Variants in ZNF302 observed in about 807,000 individuals in gnomAD.
The protein encoded by ZNF302 is zinc finger protein 302.
Under a neutral mutation model 10.8 loss-of-function variants are expected in ZNF302, and 12 were observed. The ratio of observed to expected loss-of-function variants is 1.11; its 90% CI spans 0.71 to 1.79. The LOEUF is 1.79. Ranked by LOEUF, ZNF302 falls within the 40% of genes most tolerant of loss-of-function variation. The pLI is 0.00. For missense variants in ZNF302, 461 were observed against 471.1 expected (o/e 0.98, Z 0.20); for synonymous variants, 178 against 157.5 (o/e 1.13, Z -0.98).
chr19:34,679,492 C>T (rs928609644), intron 2 of ZNF302, among the ~76,000 whole-genome samples: 3 of 152,156 alleles, frequency 2.0e-5, no homozygotes, highest in African/African-American at 7.2e-5. Flanking sequence ...CTGATCCCAC[C>T]TTCCTTCTCT....
At position 34,682,846 on chromosome 19, in the gene ZNF302, G is replaced by A. The variant is rs1311464320; in HGVS notation, c.79G>A (p.Asp27Asn). ...EWACLDSAQR[D>N]LYKDVMVQNY... is the part of the protein sequence containing the mutation. ...GGCATGCCTAGATTCTGCTCAGAGG[G>A]ACTTATACAAGGATGTGATGGTCCA... Residue 27 changes from aspartate (D) to asparagine (N), a missense_variant, in exon 3 of 5, where the codon GAC (aspartate) becomes AAC (asparagine). Physicochemically the swap from Asp to Asn is conservative, Grantham distance 23. Transcript: ENST00000505242. 22 of 1,613,722 alleles carry A rather than the reference G, an allele frequency of 1.4e-5. No homozygotes were observed. Among genetic ancestry groups the A allele is most frequent in the Non-Finnish European group, 1.8e-5 (21 of 1,179,770 alleles).
Position 34,677,686 on chromosome 19 carries a change from C to A in ZNF302, c.-486C>A, listed in dbSNP as rs34042212. On this transcript the variant is annotated 5_prime_UTR_variant, in exon 1 of 5. Transcript: ENST00000505242. ...CGTGGGCGGTGCACTGGGTCAGTCC[C>A]GCGATAGCTTCAGGCCTGGCGGCGG... 2,115 of 152,468 alleles carry A rather than the reference C, an allele frequency of 0.014. 26 individuals carry two copies. The highest frequency in any genetic ancestry group is 0.02 in the Non-Finnish European group (1,333 of 68,146). The allele number at this position is 152,468 out of a possible 1,614,324, so 9.4% of individuals were successfully genotyped here. A position where few individuals can be genotyped will look rare whatever the true frequency, so the allele number is the denominator to read the frequency against.
At chr19:34,678,710 CT>C in intron 1 of ZNF302, 26 bp from the exon 2 acceptor site, 4 of 1,487,326 alleles carry the variant, frequency 2.7e-6, no homozygotes, top group Non-Finnish European at 3.7e-6. Context: ...TTCATGACTG[CT>C]TTTTCCTGCC....
chr19:34,680,014 T>C, intron 2 of ZNF302: 1 of 685,076 alleles, frequency 1.5e-6, no homozygotes, highest in Non-Finnish European at 2.7e-6. Context: ...ATAATTAAGA[T>C]AATTAGAATT....
rs1205983445 is a variant in ZNF302 at position 34,684,374 on chromosome 19, A to G, written c.337A>G (p.Asn113Asp). The stretch of plus-strand genomic sequence containing the variant: ...ACAAAGTTATGAATTTTCAAATTCT[A>G]ATAAGAATTTGGAATATACAGAATG... ...VKQSYEFSNS[N>D]KNLEYTECDT... Residue 113 changes from asparagine to aspartate, a missense_variant, in exon 5 of 5, where the codon AAT (asparagine) becomes GAT (aspartate). Coordinates refer to ENST00000505242, the MANE Select transcript of ZNF302 (RefSeq NM_001289187.2). The G allele has an allele frequency of 6.2e-7, 1 of 1,602,906 alleles. No individual in the cohort carries two copies. The highest frequency in any genetic ancestry group is 1.3e-5 in the African/African-American group (1 of 74,448).
rs2068539722 is a variant in ZNF302, at chr19:34,684,426, C to T, written c.389C>T (p.Ser130Leu). Reference protein sequence around the residue: ...ECDTFRSTFHSKSTLSEPQNN... With the variant: ...ECDTFRSTFHLKSTLSEPQNN... ...GACACATTTAGAAGCACCTTTCATTCAAAGTCTACTCTTTCTGAACCACAA... is the reference window on the plus strand; with the variant it reads ...GACACATTTAGAAGCACCTTTCATTTAAAGTCTACTCTTTCTGAACCACAA... Residue 130 changes from serine (S) to leucine (L), a missense_variant, in exon 5 of 5, where the codon TCA (serine) becomes TTA (leucine). Physicochemically the swap from Ser to Leu is moderately radical, Grantham distance 145. Coordinates refer to ENST00000505242, the MANE Select transcript of ZNF302 (RefSeq NM_001289187.2). 1.9e-6 allele frequency: 3 copies of T among 1,612,814 alleles called. No individual in the cohort carries two copies. Among genetic ancestry groups the T allele is most frequent in the Non-Finnish European group, 2.5e-6 (3 of 1,179,336 alleles).
chr19:34,683,138 A>G lies in ZNF302; in HGVS notation c.131-17A>G, dbSNP rs1291781672. On this transcript the variant is annotated splice_polypyrimidine_tract_variant and intron_variant, in intron 3 of 4. Transcript: ENST00000505242. ...AGGACCACAGCTTAAACAATTCTAT[A>G]TTTTTCCTGTAAGCAGGTCTTTCCG... is the stretch of plus-strand genomic sequence containing the variant. 1.2e-6 allele frequency: 2 copies of G among 1,613,654 alleles called. No homozygotes were observed. Among genetic ancestry groups the G allele is most frequent in the South Asian group, 2.2e-5 (2 of 91,066 alleles).
At chr19:34,684,205 A>ATGG in intron 4 of ZNF302, 47 bp from the exon 5 acceptor site, 1 of 627,222 alleles carries the variant, frequency 1.6e-6, no homozygotes, top group Non-Finnish European at 2.3e-6. Context: ...AAAAAAAAAA[A>ATGG]AAAAAAAAAA....
At chr19:34,676,904 G>A (rs1369177958), upstream of ZNF302, 2 of 152,202 alleles carry the variant, frequency 1.3e-5, no homozygotes, top group East Asian at 1.9e-4. Flanking sequence ...GCACTTCTGG[G>A]GAGAGGGGGC....
chr19:34,678,927 A>G (rs2068173296), intron 2 of ZNF302, 114 bp downstream of exon 2: 4 of 1,266,858 alleles, frequency 3.2e-6, no homozygotes, highest in Admixed American at 1.8e-5. Context: ...GACTAGATCT[A>G]TGGTTCCTTT....
At position 34,686,259 on chromosome 19, in the gene ZNF302, G is replaced by GC. The variant is rs2068648101; in HGVS notation, c.*1023dup. The GC allele has an allele frequency of 6.6e-6, 1 of 152,146 alleles. No individual in the cohort carries two copies. Among genetic ancestry groups the GC allele is most frequent in the African/African-American group, 2.4e-5 (1 of 41,444 alleles). 9.4% of individuals were successfully genotyped at this position (152,146 alleles called of 1,614,324 possible). On this transcript the variant is annotated 3_prime_UTR_variant, in exon 5 of 5. Transcript: ENST00000505242. The stretch of plus-strand genomic sequence containing the variant: ...GAGTTCTACTTAGAAATTCTTTTTA[G>GC]CTAGTGGGCATGTGAAGATATTTAG...
Position 34,683,250 on chromosome 19 carries a change from CAT to C in ZNF302, c.214+13_214+14del, listed in dbSNP as rs79805147. 2,280 of 1,613,784 alleles carry C rather than the reference CAT, an allele frequency of 1.4e-3. 3 individuals carry two copies. Among genetic ancestry groups the C allele is most frequent in the Non-Finnish European group, 1.7e-3 (2,012 of 1,179,744 alleles). ...AAAACTGTCAAAAGGTATGATTCCA[CAT>C]GAGTCATGGTGAACGAGACAAAGGA... On this transcript the variant is annotated intron_variant, in intron 4 of 4. Transcript: ENST00000505242.
chr19:34,679,885 G>C, intron 2 of ZNF302: 2 of 703,074 alleles, frequency 2.8e-6, no homozygotes, highest in Non-Finnish European at 5.2e-6. Flanking sequence ...TAATTGTGGA[G>C]TGAATAAGAT....
At position 34,678,282 on chromosome 19, in the gene ZNF302, A is replaced by C. The variant is rs549254080; in HGVS notation, c.-69+179A>C. Among the ~76,000 whole-genome samples, 6 of 152,224 alleles carry C rather than the reference A, an allele frequency of 3.9e-5. No individual in the cohort carries two copies. The South Asian group carries it at 1.2e-3, about 32-fold the overall frequency. On this transcript the variant is annotated intron_variant, in intron 1 of 4. Transcript: ENST00000505242. ...CGTCTCTACTAAAAATACAAAAAAA[A>C]ATTAGCTGGGCGTGGTGGCACGTGT...
Position 34,686,168 on chromosome 19 carries a change from G to T in ZNF302, c.*931G>T, listed in dbSNP as rs2068644606. The T allele has an allele frequency of 6.6e-6, 1 of 152,304 alleles. No individual in the cohort carries two copies. The highest frequency in any genetic ancestry group is 2.4e-5 in the African/African-American group (1 of 41,436). The allele number at this position is 152,304 out of a possible 1,614,324, so 9.4% of individuals were successfully genotyped here. ...TTGCAGTTATGCTATTTGTAAACAG[G>T]ATTATATAGGAGAGCAAATAAACAT... is the stretch of plus-strand genomic sequence containing the variant. On this transcript the variant is annotated 3_prime_UTR_variant, in exon 5 of 5. Transcript: ENST00000505242.
chr19:34,678,320 C>T (rs759081831), intron 1 of ZNF302, among the ~76,000 whole-genome samples: 23 of 150,152 alleles, frequency 1.5e-4, no homozygotes, highest in Non-Finnish European at 2.8e-4. Context: ...ATAATCCCAG[C>T]TATTCGAGAG....
At chr19:34,679,949 C>T (rs2068251258) in intron 2 of ZNF302, 1 of 702,694 alleles carries the variant, frequency 1.4e-6, no homozygotes, top group African/African-American at 1.7e-5. Flanking sequence ...GAAGCTTGCA[C>T]AGGAGGGGAT....
In ZNF302 at chr19:34,684,621, G is replaced by T; in HGVS notation, c.584G>T (p.Cys195Phe). The change falls in exon 5 of 5, where the codon TGT becomes TTT. Residue 195 changes from cysteine (C) to phenylalanine (F), a missense_variant. Transcript: ENST00000505242. ...AAATCTCTTACCCTTCCCCAGACTT[G>T]TAATAGAGAGAAAATCTATACATGC... ...QSKSLTLPQT[C>F]NREKIYTCSE... The T allele has an allele frequency of 1.2e-6, 2 of 1,614,072 alleles. No homozygotes were observed. Among genetic ancestry groups the T allele is most frequent in the African/African-American group, 2.7e-5 (2 of 75,040 alleles).
intron 1 of ZNF302, among the ~76,000 whole-genome samples, 177 bp downstream of exon 1, chr19:34,678,280 A>C (rs1045457239): frequency 6.6e-6 from 1 of 152,100 alleles, no homozygotes; most frequent in Admixed American, 6.5e-5. Flanking sequence ...AATACAAAAA[A>C]AAATTAGCTG....
Sources: gnomAD v4.1 joint callset for allele counts (sites outside exome capture counted in the v4.1 genomes callset) on GRCh38, gnomAD v4.1.1 for gene constraint, MANE v1.5 for transcripts, NCBI Gene and HGNC (gene_info 2026-07-23, HGNC 2026-07-21) for gene names.